The following IGFBP5 variants were observed in gnomAD, a reference collection of about 807,000 sequenced individuals.
The protein encoded by IGFBP5 is insulin like growth factor binding protein 5.
IGFBP5 carries 12 observed loss-of-function variants against 28.0 expected under a neutral mutation model. That is an observed-to-expected ratio of 0.43 (90% CI 0.27 to 0.69). The LOEUF (loss-of-function observed/expected upper bound fraction) is 0.69, where lower values mean the gene tolerates loss of function less well. Among genes scored for constraint, IGFBP5 ranks in the 30% least tolerant of loss-of-function variants. IGFBP5 has a pLI of 0.20. For synonymous variants in IGFBP5, 152 were observed against 150.2 expected (o/e 1.01, Z -0.09); for missense variants, 344 against 381.6 (o/e 0.90, Z 0.82).
rs575898649 is a variant in IGFBP5, at chr2:216,672,617, A to G, written c.*4134T>C. 3 of 152,886 alleles carry G rather than the reference A, an allele frequency of 2.0e-5. No individual in the cohort carries two copies. In the East Asian group the frequency reaches 5.8e-4, roughly 30 times the overall value. 9.5% of individuals were successfully genotyped at this position (152,886 alleles called of 1,614,324 possible). On this transcript the variant is annotated 3_prime_UTR_variant, in exon 4 of 4. Transcript: ENST00000233813. ...ATCTTGTCTGACAACTGTGCTATCC[A>G]TGTGGGCTACGGTGTGACAGTGGCG...
rs1487404812 is a variant in IGFBP5, at chr2:216,679,223, AG to A, written c.338-145del. On this transcript the variant is annotated intron_variant, in intron 1 of 3. Coordinates refer to ENST00000233813, the MANE Select transcript of IGFBP5 (RefSeq NM_000599.4). The surrounding 1 kb of genome is among the most constrained non-coding windows in gnomAD (Gnocchi z 4.6). The stretch of plus-strand genomic sequence containing the variant: ...CCCTCCTGGAGCACACCCTGAAAGC[AG>A]GGGGATAAGAACCAGGAAGCAGAGG... The A allele has an allele frequency of 4.4e-6, 3 of 687,542 alleles. No individual in the cohort carries two copies. Among genetic ancestry groups the A allele is most frequent in the Non-Finnish European group, 7.9e-6 (3 of 377,410 alleles). 42.6% of individuals were successfully genotyped at this position (687,542 alleles called of 1,614,324 possible).
intron 1 of IGFBP5, among the ~76,000 whole-genome samples, chr2:216,684,799 T>C (rs1689016660): frequency 6.6e-6 from 1 of 152,240 alleles, no homozygotes; most frequent in South Asian, 2.1e-4. Flanking sequence ...AGTATTTCTG[T>C]AATATAAGCT....
chr2:216,674,286 A>T lies in IGFBP5; in HGVS notation c.*2465T>A, dbSNP rs1210533968. The T allele has an allele frequency of 1.3e-5, 2 of 153,412 alleles. No homozygotes were observed. Among genetic ancestry groups the T allele is most frequent in the African/African-American group, 4.8e-5 (2 of 41,448 alleles). The allele number at this position is 153,412 out of a possible 1,614,324, so 9.5% of individuals were successfully genotyped here. ...CTGGCCTAAGACATACAGAAACGTGAGTTGGGTTTAGGGGACAGCTGTGCA... is the reference window on the plus strand; with the variant it reads ...CTGGCCTAAGACATACAGAAACGTGTGTTGGGTTTAGGGGACAGCTGTGCA... On this transcript the variant is annotated 3_prime_UTR_variant, in exon 4 of 4. Coordinates refer to ENST00000233813, the MANE Select transcript of IGFBP5 (RefSeq NM_000599.4). The surrounding 1 kb of genome is among the most constrained non-coding windows in gnomAD (Gnocchi z 4.4).
intron 3 of IGFBP5, among the ~76,000 whole-genome samples, chr2:216,677,729 A>G (rs1220802066): frequency 6.6e-6 from 1 of 152,186 alleles, no homozygotes; most frequent in Non-Finnish European, 1.5e-5. Context: ...CATTGCCCAA[A>G]GGAGAGCCTG....
rs59144401 is a variant in IGFBP5 at position 216,692,362 on chromosome 2, CGTGT to C, written c.337+2073_337+2076del. On this transcript the variant is annotated intron_variant, in intron 1 of 3. Transcript: ENST00000233813. This position sits in a 1 kb window ranked among gnomAD's most constrained non-coding sequence, Gnocchi z 4.2. ...GGGATCTTGCTTGGGACTGAAGTGT[CGTGT>C]GTGTGTGTGTGTGTGTGTGTGTGTG... Among the ~76,000 whole-genome samples the C allele has an allele frequency of 0.032, 4,526 of 142,512 alleles. 104 individuals are homozygous for C. The highest frequency in any genetic ancestry group is 0.061 in the African/African-American group (2,347 of 38,674). 93.5% of individuals were successfully genotyped at this position (142,512 alleles called of 152,430 possible). A position where few individuals can be genotyped will look rare whatever the true frequency, so the allele number is the denominator to read the frequency against.
rs755336926 is a variant in IGFBP5, at chr2:216,692,592, CAATT to C, written c.337+1843_337+1846del. 6.6e-6 allele frequency among the ~76,000 whole-genome samples: 1 copy of C among 152,100 alleles called. No homozygotes were observed. The highest frequency in any genetic ancestry group is 1.5e-5 in the Non-Finnish European group (1 of 68,016). ...GGCGGTGGCTCCCAAGCCGGGAAAT[CAATT>C]AATGTTTTCCTTCTCCGCTAGGCTT... On this transcript the variant is annotated intron_variant, in intron 1 of 3. Transcript: ENST00000233813. This position sits in a 1 kb window ranked among gnomAD's most constrained non-coding sequence, Gnocchi z 4.2.
At chr2:216,685,468 C>T (rs779112543) in intron 1 of IGFBP5, among the ~76,000 whole-genome samples, 9 of 152,102 alleles carry the variant, frequency 5.9e-5, no homozygotes, top group Non-Finnish European at 1.2e-4. Context: ...GCTGGCCTGA[C>T]GGCACTGACT....
chr2:216,690,891 G>A (rs1689087344), intron 1 of IGFBP5, among the ~76,000 whole-genome samples: 1 of 140,448 alleles, frequency 7.1e-6, no homozygotes, highest in Non-Finnish European at 1.6e-5. Context: ...GGGGGGCGGG[G>A]TGGGCGGGGG....
Position 216,674,982 on chromosome 2 carries a change from T to C in IGFBP5, c.*1769A>G, listed in dbSNP as rs1429595189. On this transcript the variant is annotated 3_prime_UTR_variant, in exon 4 of 4. Coordinates refer to ENST00000233813, the MANE Select transcript of IGFBP5 (RefSeq NM_000599.4). This position sits in a 1 kb window ranked among gnomAD's most constrained non-coding sequence, Gnocchi z 4.4. The stretch of plus-strand genomic sequence containing the variant: ...CCTAAAGTTACTCACCTTCCCTGGC[T>C]CTGCGGCCTGGATTAAGCTCATTTC... 6.6e-6 allele frequency: 1 copy of C among 152,248 alleles called. No individual in the cohort carries two copies. The highest frequency in any genetic ancestry group is 1.9e-4 in the East Asian group (1 of 5,196). 9.4% of individuals were successfully genotyped at this position (152,248 alleles called of 1,614,324 possible).
chr2:216,682,326 G>C (rs10193497), intron 1 of IGFBP5, among the ~76,000 whole-genome samples: 144 of 152,326 alleles, frequency 9.5e-4, no homozygotes, highest in African/African-American at 3.3e-3. Flanking sequence ...GCAGAGCCAT[G>C]GAGATTAAAG....
chr2:216,683,449 C>T (rs1417359083), intron 1 of IGFBP5, among the ~76,000 whole-genome samples: 3 of 152,198 alleles, frequency 2.0e-5, no homozygotes, highest in Non-Finnish European at 1.5e-5. Flanking sequence ...TAAATCCCTT[C>T]CTTCTGTTTG....
chr2:216,685,371 C>T (rs905538070), intron 1 of IGFBP5, among the ~76,000 whole-genome samples: 7 of 152,098 alleles, frequency 4.6e-5, no homozygotes, highest in Middle Eastern at 3.2e-3. Context: ...TCCTCAGTCA[C>T]TCTAGCCATA....
Position 216,679,123 on chromosome 2 carries a change from T to G in IGFBP5, c.338-44A>C. The stretch of plus-strand genomic sequence containing the variant: ...GAGGGTCAGCCCCCGTGGGCCAAGG[T>G]GCACACGGCCAGAGCCCAGGGCTGG... On this transcript the variant is annotated intron_variant, in intron 1 of 3. Transcript: ENST00000233813. This position sits in a 1 kb window ranked among gnomAD's most constrained non-coding sequence, Gnocchi z 4.6. 1.3e-6 allele frequency: 2 copies of G among 1,536,256 alleles called. No homozygotes were observed. The highest frequency in any genetic ancestry group is 1.8e-6 in the Non-Finnish European group (2 of 1,109,910).
At position 216,679,120 on chromosome 2, in the gene IGFBP5, A is replaced by C. The variant is rs767970369; in HGVS notation, c.338-41T>G. 2 of 1,551,230 alleles carry C rather than the reference A, an allele frequency of 1.3e-6. No individual in the cohort carries two copies. The highest frequency in any genetic ancestry group is 1.4e-5 in the African/African-American group (1 of 73,784). ...CCGGAGGGTCAGCCCCCGTGGGCCA[A>C]GGTGCACACGGCCAGAGCCCAGGGC... On this transcript the variant is annotated intron_variant, in intron 1 of 3. Transcript: ENST00000233813. This position sits in a 1 kb window ranked among gnomAD's most constrained non-coding sequence, Gnocchi z 4.6.
rs796954363 is a variant in IGFBP5, at chr2:216,685,868, A to AT, written c.338-6790dup. On this transcript the variant is annotated intron_variant, in intron 1 of 3. Transcript: ENST00000233813. ...CTGGCGCCAGTCTCTCTCAGAAGAC[A>AT]TTTTTTTTTGTTTTTGTTTTTTGTT... 5.0e-4 allele frequency among the ~76,000 whole-genome samples: 76 copies of AT among 150,886 alleles called. 2 individuals are homozygous for AT. The South Asian group carries it at 0.011, about 22-fold the overall frequency.
rs1347374838 is a variant in IGFBP5, at chr2:216,674,273, A to C, written c.*2478T>G. 6.5e-6 allele frequency: 1 copy of C among 153,442 alleles called. No individual in the cohort carries two copies. The highest frequency in any genetic ancestry group is 2.4e-5 in the African/African-American group (1 of 41,474). 9.5% of individuals were successfully genotyped at this position (153,442 alleles called of 1,614,324 possible). ...GAGGTTTGGGATACTGGCCTAAGAC[A>C]TACAGAAACGTGAGTTGGGTTTAGG... is the stretch of plus-strand genomic sequence containing the variant. On this transcript the variant is annotated 3_prime_UTR_variant, in exon 4 of 4. Transcript: ENST00000233813. This position sits in a 1 kb window ranked among gnomAD's most constrained non-coding sequence, Gnocchi z 4.4.
chr2:216,692,402 T>TGTGTGTGTGTGA lies in IGFBP5; in HGVS notation c.337+2036_337+2037insTCACACACACAC, dbSNP rs1482858966. 6.7e-6 allele frequency among the ~76,000 whole-genome samples: 1 copy of TGTGTGTGTGTGA among 149,116 alleles called. No homozygotes were observed. The highest frequency in any genetic ancestry group is 1.5e-5 in the Non-Finnish European group (1 of 67,328). On this transcript the variant is annotated intron_variant, in intron 1 of 3. Coordinates refer to ENST00000233813, the MANE Select transcript of IGFBP5 (RefSeq NM_000599.4). The surrounding 1 kb of genome is among the most constrained non-coding windows in gnomAD (Gnocchi z 4.2). ...GTGTGTGTGTGTGTGTGTGTGTGTG[T>TGTGTGTGTGTGA]GATGCGCCCTCCGTGCTCGCCTAGC...
In IGFBP5 at chr2:216,676,537, G is replaced by T. The variant is rs911083162; in HGVS notation, c.*214C>A. The T allele has an allele frequency of 2.8e-6, 1 of 360,190 alleles. No individual in the cohort carries two copies. The allele number at this position is 360,190 out of a possible 1,614,324, so 22.3% of individuals were successfully genotyped here. On this transcript the variant is annotated 3_prime_UTR_variant, in exon 4 of 4. Coordinates refer to ENST00000233813, the MANE Select transcript of IGFBP5 (RefSeq NM_000599.4). ...AAAAGAAAACCATTTAAAGGGGGGGGGTGTCTTTTTAGCTTTTTGCATCTC... is the reference window on the plus strand; with the variant it reads ...AAAAGAAAACCATTTAAAGGGGGGGTGTGTCTTTTTAGCTTTTTGCATCTC...
intron 1 of IGFBP5, among the ~76,000 whole-genome samples, chr2:216,685,369 C>G (rs1689022729): frequency 6.6e-6 from 1 of 152,154 alleles, no homozygotes; most frequent in South Asian, 2.1e-4. Context: ...GCTCCTCAGT[C>G]ACTCTAGCCA....
Sources: gnomAD v4.1 joint callset for allele counts (sites outside exome capture counted in the v4.1 genomes callset) on GRCh38, gnomAD v4.1.1 for gene constraint, Gnocchi (gnomAD v3.1) non-coding constraint, MANE v1.5 for transcripts, NCBI Gene and HGNC (gene_info 2026-07-23, HGNC 2026-07-21) for gene names.